RELN: variants seen among roughly 807,000 people sequenced by gnomAD.
RELN encodes reelin.
Under a neutral mutation model 427.6 loss-of-function variants are expected in RELN, and 108 were observed. The observed-to-expected ratio is 0.25, with a 90% CI of 0.22 to 0.30. The LOEUF (loss-of-function observed/expected upper bound fraction) is 0.30. RELN is among the 10% of genes least tolerant of loss of function. The pLI is 1.00. For synonymous variants in RELN, 1,524 were observed against 1,513.4 expected (o/e 1.01, Z -0.16); for missense variants, 3,715 against 4,302.8 (o/e 0.86, Z 3.82).
At chr7:103,767,290 G>A (rs1404105574) in intron 4 of RELN, among the ~76,000 whole-genome samples, 1 of 152,142 alleles carries the variant, frequency 6.6e-6, no homozygotes, top group Non-Finnish European at 1.5e-5. Flanking sequence ...TAGGGCTGTG[G>A]TTCCTGAGGG....
chr7:103,812,472 C>T (rs1235697506), intron 3 of RELN, among the ~76,000 whole-genome samples: 1 of 152,138 alleles, frequency 6.6e-6, no homozygotes, highest in Non-Finnish European at 1.5e-5. Flanking sequence ...ATGGAAATGT[C>T]GGAACAGCAA....
intron 1 of RELN, among the ~76,000 whole-genome samples, chr7:103,982,714 C>T (rs2116845576): frequency 6.6e-6 from 1 of 152,210 alleles, no homozygotes; most frequent in Middle Eastern, 3.4e-3. Flanking sequence ...GACCTTAGTC[C>T]TTATGGTCTA....
At chr7:103,660,892 CAT>C (rs1303788219) in intron 12 of RELN, among the ~76,000 whole-genome samples, 3 of 152,112 alleles carry the variant, frequency 2.0e-5, no homozygotes, top group African/African-American at 4.8e-5. Context: ...CTTATGAACA[CAT>C]GTTTTTCTTA....
intron 2 of RELN, among the ~76,000 whole-genome samples, chr7:103,870,260 G>A (rs932585156): frequency 1.1e-4 from 17 of 151,878 alleles, no homozygotes; most frequent in African/African-American, 3.9e-4. Flanking sequence ...TCTATTGAAT[G>A]CTTTTTTCTT....
intron 2 of RELN, among the ~76,000 whole-genome samples, chr7:103,900,149 C>T (rs1322886258): frequency 6.6e-6 from 1 of 151,964 alleles, no homozygotes; most frequent in Non-Finnish European, 1.5e-5. Flanking sequence ...TTCTATAAAC[C>T]AATAACACAA....
At chr7:103,645,004 C>G (rs977388845) in intron 16 of RELN, among the ~76,000 whole-genome samples, 1 of 151,524 alleles carries the variant, frequency 6.6e-6, no homozygotes, top group Non-Finnish European at 1.5e-5. Context: ...AACTATTAAC[C>G]AGGAATTTTG....
chr7:103,820,125 A>T (rs1251544821), intron 3 of RELN, among the ~76,000 whole-genome samples: 1 of 152,072 alleles, frequency 6.6e-6, no homozygotes, highest in Non-Finnish European at 1.5e-5. Flanking sequence ...AGGAAGTCTG[A>T]AAAATGTCAG....
intron 12 of RELN, 82 bp downstream of exon 12, chr7:103,661,294 A>G: frequency 1.4e-6 from 2 of 1,432,108 alleles, no homozygotes; most frequent in South Asian, 2.3e-5. Flanking sequence ...GTAGTTGACA[A>G]CAAACAATCT....
intron 1 of RELN, among the ~76,000 whole-genome samples, chr7:103,949,926 A>G (rs1451305041): frequency 6.6e-6 from 1 of 152,246 alleles, no homozygotes; most frequent in Admixed American, 6.5e-5. Flanking sequence ...AGCAATTTAC[A>G]TCAAGCTTAT....
chr7:103,842,876 A>T (rs988976136), intron 2 of RELN, among the ~76,000 whole-genome samples: 3 of 152,150 alleles, frequency 2.0e-5, no homozygotes, highest in African/African-American at 7.2e-5. Flanking sequence ...TTAAAAGATG[A>T]GATGTCTTGA....
At chr7:103,819,959 A>G (rs1792973669) in intron 3 of RELN, among the ~76,000 whole-genome samples, 1 of 151,988 alleles carries the variant, frequency 6.6e-6, no homozygotes, top group Non-Finnish European at 1.5e-5. Flanking sequence ...AGAAATGAAC[A>G]CTAAACCCTT....
intron 20 of RELN, among the ~76,000 whole-genome samples, chr7:103,622,623 C>T (rs565199563): frequency 6.6e-6 from 1 of 152,214 alleles, no homozygotes; most frequent in African/African-American, 2.4e-5. Flanking sequence ...CCTTGCTGTT[C>T]CCTCTGCCTG....
intron 22 of RELN, among the ~76,000 whole-genome samples, chr7:103,605,321 G>C (rs934457797): frequency 3.3e-5 from 5 of 152,168 alleles, no homozygotes; most frequent in African/African-American, 1.2e-4. Context: ...AGAATATCTG[G>C]ATGCTAAATT....
intron 6 of RELN, among the ~76,000 whole-genome samples, chr7:103,729,028 G>A (rs1277079688): frequency 2.0e-5 from 3 of 152,134 alleles, no homozygotes; most frequent in Non-Finnish European, 4.4e-5. Flanking sequence ...TTGAAGGTAT[G>A]TGTATTCTGG....
chr7:103,618,456 C>G (rs1832134648), intron 20 of RELN, among the ~76,000 whole-genome samples: 1 of 152,132 alleles, frequency 6.6e-6, no homozygotes, highest in Admixed American at 6.5e-5. Context: ...ATGTATTTAC[C>G]CAATACTTCA....
chr7:103,826,361 T>C (rs1315923489), intron 3 of RELN, among the ~76,000 whole-genome samples: 3 of 151,502 alleles, frequency 2.0e-5, no homozygotes, highest in Non-Finnish European at 2.9e-5. Flanking sequence ...TGTGTGTGTA[T>C]ACACATACAT....
At chr7:103,646,696 A>G (rs1211998641) in intron 16 of RELN, among the ~76,000 whole-genome samples, 7 of 152,050 alleles carry the variant, frequency 4.6e-5, no homozygotes, top group Non-Finnish European at 1.5e-5. Context: ...CAAGATGCAC[A>G]AAGAAAATCT....
intron 1 of RELN, among the ~76,000 whole-genome samples, chr7:103,975,718 T>C (rs1164100764): frequency 6.8e-6 from 1 of 147,152 alleles, no homozygotes; most frequent in Admixed American, 6.7e-5. Context: ...GCTGATTTTT[T>C]TTTTTTTTTT....
At chr7:103,476,728 A>C (rs753180391) in intron 64 of RELN, 1 of 417,130 alleles carries the variant, frequency 2.4e-6, no homozygotes, top group Non-Finnish European at 4.9e-6. Context: ...TACCTTCTAA[A>C]ATGTCTAACA....
Sources: gnomAD v4.1 joint callset for allele counts (sites outside exome capture counted in the v4.1 genomes callset) on GRCh38, gnomAD v4.1.1 for gene constraint, MANE v1.5 for transcripts, NCBI Gene and HGNC (gene_info 2026-07-23, HGNC 2026-07-21) for gene names.